RASGRP1: variants seen among roughly 807,000 people sequenced by gnomAD.
The protein encoded by RASGRP1 is RAS guanyl-releasing protein 1.
A neutral mutation model predicts 95.1 loss-of-function variants in RASGRP1; 37 were observed. The observed-to-expected ratio is 0.39, with a 90% CI of 0.30 to 0.51. The LOEUF is 0.51. RASGRP1 is among the 20% of genes least tolerant of loss of function. The probability of loss-of-function intolerance (pLI) is 0.80; values close to 1 mark genes in which losing one functional copy is unlikely to be tolerated. For missense variants in RASGRP1, 711 were observed against 965.4 expected, an observed-to-expected ratio of 0.74 and a Z score of 3.49; for synonymous variants, 325 against 353.4, an observed-to-expected ratio of 0.92 and a Z score of 0.90.
chr15:38,510,019 C>G (rs959351464), intron 8 of RASGRP1, among the ~76,000 whole-genome samples: 2 of 152,128 alleles, frequency 1.3e-5, no homozygotes, highest in African/African-American at 4.8e-5. Flanking sequence ...CAGGTGAGCC[C>G]TAGGCATGGA....
At chr15:38,542,684 T>C (rs565302782) in intron 2 of RASGRP1, among the ~76,000 whole-genome samples, 53 of 151,706 alleles carry the variant, frequency 3.5e-4, no homozygotes, top group African/African-American at 1.2e-3. Context: ...TTGATGGGGC[T>C]TGGTTAATTC....
intron 9 of RASGRP1, among the ~76,000 whole-genome samples, chr15:38,506,492 G>A (rs866073028): frequency 3.9e-5 from 6 of 151,948 alleles, no homozygotes; most frequent in East Asian, 1.9e-4. Context: ...AAAGTTAACC[G>A]GGCGTGGTGG....
intron 10 of RASGRP1, among the ~76,000 whole-genome samples, chr15:38,505,442 A>C (rs965641709): frequency 3.9e-5 from 6 of 152,184 alleles, no homozygotes; most frequent in African/African-American, 1.4e-4. Context: ...CATTATCATC[A>C]ATGAATCATA....
At chr15:38,508,624 C>A (rs1386184529) in intron 8 of RASGRP1, among the ~76,000 whole-genome samples, 2 of 152,138 alleles carry the variant, frequency 1.3e-5, no homozygotes, top group African/African-American at 4.8e-5. Flanking sequence ...AAACCTTGAA[C>A]TAAAAAGACT....
In RASGRP1 at chr15:38,494,677, A is replaced by G; in HGVS notation, c.1964T>C (p.Val655Ala). 6.5e-7 allele frequency: 1 copy of G among 1,537,370 alleles called. No individual in the cohort carries two copies. Among genetic ancestry groups the G allele is most frequent in the Non-Finnish European group, 8.7e-7 (1 of 1,147,712 alleles). ...SKDRTIMLMG[V>A]SSQKISLRLK... ...CCGAAGAGAAATCTTCTGTGAGGAC[A>G]CTCCCATCAGCATGATGGTCCGATC... The change falls in exon 16 of 17, where the codon GTG becomes GCG. Residue 655 changes from valine to alanine, a missense_variant. By Grantham distance (64) the Val-to-Ala change is moderately conservative. Coordinates refer to ENST00000310803, the MANE Select transcript of RASGRP1 (RefSeq NM_005739.4).
rs577330253 is a variant in RASGRP1, at chr15:38,508,826, C to T, written c.967-825G>A. 2.0e-5 allele frequency among the ~76,000 whole-genome samples: 3 copies of T among 152,312 alleles called. No homozygotes were observed. The South Asian group carries it at 6.2e-4, about 32-fold the overall frequency. On this transcript the variant is annotated intron_variant, in intron 8 of 16. Coordinates refer to ENST00000310803, the MANE Select transcript of RASGRP1 (RefSeq NM_005739.4). The stretch of plus-strand genomic sequence containing the variant: ...AGAATCCATTCCCCATGAGTGATAA[C>T]CAGCTTTCTCAGAAGCAAAGACATG...
intron 15 of RASGRP1, among the ~76,000 whole-genome samples, chr15:38,497,345 CTG>C (rs1431328538): frequency 6.6e-6 from 1 of 152,090 alleles, no homozygotes; most frequent in East Asian, 1.9e-4. Context: ...ACTCTCTAGA[CTG>C]TCTCATTTTT....
chr15:38,490,550 T>C lies in RASGRP1; in HGVS notation c.*4A>G, dbSNP rs772266246. 1 of 1,611,866 alleles carries C rather than the reference T, an allele frequency of 6.2e-7. No homozygotes were observed. The highest frequency in any genetic ancestry group is 1.1e-5 in the South Asian group (1 of 90,702). On this transcript the variant is annotated 3_prime_UTR_variant, in exon 17 of 17. Transcript: ENST00000310803. The stretch of plus-strand genomic sequence containing the variant: ...TCTACAGATTGTGCTACTTAGTTTC[T>C]GGGCTAAGAACAGTCACCCTGCTCC...
Position 38,507,667 on chromosome 15 carries a change from T to C in RASGRP1, c.1242+59A>G, listed in dbSNP as rs549972635. 5.1e-5 allele frequency: 77 copies of C among 1,514,714 alleles called. No individual in the cohort carries two copies. The East Asian group carries it at 1.4e-3, about 27-fold the overall frequency. 93.8% of individuals were successfully genotyped at this position (1,514,714 alleles called of 1,614,324 possible). A position where few individuals can be genotyped will look rare whatever the true frequency, so the allele number is the denominator to read the frequency against. ...AACAGCTAATATTTGGTAAGGGGTA[T>C]AGAATGGCACCTGGCACACAGAAAG... On this transcript the variant is annotated intron_variant, in intron 9 of 16. Coordinates refer to ENST00000310803, the MANE Select transcript of RASGRP1 (RefSeq NM_005739.4).
intron 2 of RASGRP1, among the ~76,000 whole-genome samples, chr15:38,538,675 C>G (rs148034417): frequency 5.3e-5 from 8 of 152,308 alleles, no homozygotes; most frequent in African/African-American, 1.9e-4. Flanking sequence ...GATTCAAACC[C>G]AGGCTGCCTG....
chr15:38,558,844 C>G (rs1893685300), intron 2 of RASGRP1, among the ~76,000 whole-genome samples: 1 of 152,204 alleles, frequency 6.6e-6, no homozygotes, highest in African/African-American at 2.4e-5. Flanking sequence ...CACACAGCCA[C>G]TAGTCCGTCA....
At chr15:38,522,294 A>G (rs932457882) in intron 3 of RASGRP1, among the ~76,000 whole-genome samples, 1 of 152,202 alleles carries the variant, frequency 6.6e-6, no homozygotes, top group South Asian at 2.1e-4. Context: ...CTTTTATATT[A>G]TTAACCAAAT....
intron 3 of RASGRP1, 143 bp downstream of exon 3, chr15:38,526,156 C>A: frequency 1.5e-6 from 1 of 673,858 alleles, no homozygotes; most frequent in Middle Eastern, 2.9e-4. Context: ...AACACATGCA[C>A]CCATACCCCT....
intron 4 of RASGRP1, among the ~76,000 whole-genome samples, 197 bp from the exon 5 acceptor site, chr15:38,518,620 C>T (rs1410406720): frequency 1.3e-5 from 2 of 152,124 alleles, no homozygotes; most frequent in Admixed American, 6.6e-5. Context: ...TTCTGTCCCT[C>T]CACACAAATG....
intron 2 of RASGRP1, among the ~76,000 whole-genome samples, chr15:38,554,353 T>G (rs1397556149): frequency 6.6e-6 from 1 of 152,216 alleles, no homozygotes; most frequent in African/African-American, 2.4e-5. Context: ...CTCAGGATCC[T>G]ACAGAGTCCA....
intron 4 of RASGRP1, among the ~76,000 whole-genome samples, chr15:38,518,902 C>A (rs1302497150): frequency 3.3e-5 from 5 of 152,068 alleles, no homozygotes; most frequent in Non-Finnish European, 7.4e-5. Context: ...TATATATTTT[C>A]ATCTCAAAAA....
In RASGRP1 at chr15:38,494,729, C is replaced by T. The variant is rs760945936; in HGVS notation, c.1912G>A (p.Ala638Thr). ...TTACTCTCCTCACCATGTTCCACAG[C>T]CTCCCCATTAGGGAATGTAAAAGGT... ...EGPFTFPNGE[A>T]VEHGEESKDR... Residue 638 changes from alanine (A) to threonine (T), a missense_variant, in exon 16 of 17, where the codon GCT (alanine) becomes ACT (threonine). Ala to Thr is a moderately conservative substitution (Grantham distance 58). Around this residue, in one of 3 missense-constraint regions of RASGRP1, gnomAD observed 212 missense variants for 247.8 expected, o/e 0.86. Transcript: ENST00000310803. 1.3e-6 allele frequency: 2 copies of T among 1,513,256 alleles called. No individual in the cohort carries two copies. Among genetic ancestry groups the T allele is most frequent in the South Asian group, 2.7e-5 (2 of 73,274 alleles). The allele number at this position is 1,513,256 out of a possible 1,614,324, so 93.7% of individuals were successfully genotyped here. A position where few individuals can be genotyped will look rare whatever the true frequency, so the allele number is the denominator to read the frequency against.
chr15:38,535,523 G>C (rs1159921955), intron 2 of RASGRP1, among the ~76,000 whole-genome samples: 1 of 152,168 alleles, frequency 6.6e-6, no homozygotes, highest in Non-Finnish European at 1.5e-5. Context: ...CAGAGACTCT[G>C]TGAGTCAGTG....
intron 7 of RASGRP1, among the ~76,000 whole-genome samples, chr15:38,512,031 A>G (rs1473202901): frequency 1.3e-5 from 2 of 152,220 alleles, no homozygotes; most frequent in Non-Finnish European, 1.5e-5. Context: ...TAACCCAGAC[A>G]TTCTGATTGC....
Sources: allele counts gnomAD v4.1 joint callset (sites outside exome capture counted in the v4.1 genomes callset), GRCh38; gene constraint gnomAD v4.1.1; regional missense constraint gnomAD v4.1.1; transcripts MANE v1.5; gene names NCBI Gene and HGNC (gene_info 2026-07-23, HGNC 2026-07-21).